THSD4: variants seen among roughly 807,000 people sequenced by gnomAD.
THSD4 encodes thrombospondin type-1 domain-containing protein 4.
In THSD4, 69 loss-of-function variants were observed where a neutral mutation model predicts 119.0. That is an observed-to-expected ratio of 0.58 (90% confidence interval 0.48 to 0.71). The LOEUF (loss-of-function observed/expected upper bound fraction) is 0.71, where lower values mean the gene tolerates loss of function less well. Among genes scored for constraint, THSD4 ranks in the 30% least tolerant of loss-of-function variants. THSD4 has a pLI of 0.00. For missense variants in THSD4, 1,393 were observed against 1,391.1 expected (o/e 1.00, Z -0.02); for synonymous variants, 524 against 540.4 (o/e 0.97, Z 0.42).
intron 4 of THSD4, among the ~76,000 whole-genome samples, chr15:71,221,944 G>T (rs549278759): frequency 1.3e-5 from 2 of 152,074 alleles, no homozygotes; most frequent in Non-Finnish European, 2.9e-5. Context: ...CATCCTAATG[G>T]GTGTGGGGTG....
chr15:71,748,397 T>C, intron 13 of THSD4, 24 bp from the exon 14 acceptor site: 1 of 1,612,870 alleles, frequency 6.2e-7, no homozygotes, highest in Non-Finnish European at 8.5e-7. Context: ...CTGGTTCCCC[T>C]GACGTCAGTG....
chr15:71,163,218 C>T (rs1490056107), intron 3 of THSD4, among the ~76,000 whole-genome samples: 2 of 148,460 alleles, frequency 1.3e-5, no homozygotes, highest in African/African-American at 2.5e-5. Flanking sequence ...TTCTTGTGTC[C>T]CTGTGTTGAT....
At chr15:71,162,147 G>T (rs968363906) in intron 3 of THSD4, among the ~76,000 whole-genome samples, 2 of 151,970 alleles carry the variant, frequency 1.3e-5, no homozygotes, top group African/African-American at 4.8e-5. Context: ...TCATACTAGA[G>T]AATTGAAAGA....
At chr15:71,688,729 G>GTGTGTA (rs2051975906) in intron 8 of THSD4, among the ~76,000 whole-genome samples, 1 of 151,126 alleles carries the variant, frequency 6.6e-6, no homozygotes, top group Admixed American at 6.6e-5. Context: ...GTGTGTGTGT[G>GTGTGTA]TGTGTGTGTG....
At chr15:71,673,919 G>T (rs1397360129) in intron 8 of THSD4, among the ~76,000 whole-genome samples, 1 of 152,130 alleles carries the variant, frequency 6.6e-6, no homozygotes, top group African/African-American at 2.4e-5. Flanking sequence ...ACCACGGCTG[G>T]CCATATACTT....
rs546147395 is a variant in THSD4, at chr15:71,710,460, T to C, written c.1358-18089T>C. Among the ~76,000 whole-genome samples the C allele has an allele frequency of 7.6e-4, 116 of 152,336 alleles. 2 individuals carry two copies. Among genetic ancestry groups the C allele is most frequent in the Non-Finnish European group, 2.4e-4 (16 of 68,026 alleles). ...GGAGGAGGGCCAAGATAAATGACCA[T>C]GGACCTAATCTGTTTATTAGTTGGG... On this transcript the variant is annotated intron_variant, in intron 8 of 17. Coordinates refer to ENST00000261862, the MANE Select transcript of THSD4 (RefSeq NM_024817.3).
Position 71,455,375 on chromosome 15 carries a change from C to T in THSD4, c.1152+43552C>T, listed in dbSNP as rs1042266920. 5.9e-5 allele frequency among the ~76,000 whole-genome samples: 9 copies of T among 152,250 alleles called. No homozygotes were observed. The South Asian group carries it at 1.7e-3, about 28-fold the overall frequency. On this transcript the variant is annotated intron_variant, in intron 7 of 17. Coordinates refer to ENST00000261862, the MANE Select transcript of THSD4 (RefSeq NM_024817.3). ...TGTTTACTGAGAAGCCTATAATTTT[C>T]GCTTTGACTGTATATTGATTTGGAG...
chr15:71,504,833 G>A (rs1230553026), intron 7 of THSD4, among the ~76,000 whole-genome samples: 1 of 152,100 alleles, frequency 6.6e-6, no homozygotes, highest in African/African-American at 2.4e-5. Context: ...TTCTATTCCA[G>A]GAGCTAACCC....
intron 7 of THSD4, among the ~76,000 whole-genome samples, chr15:71,603,374 C>T (rs11854873): frequency 0.3 from 44,930 of 152,120 alleles, 7,385 homozygotes; most frequent in Non-Finnish European, 0.37. Context: ...GGCTCCTTTC[C>T]CTGCACACAG....
intron 7 of THSD4, among the ~76,000 whole-genome samples, chr15:71,497,434 G>T (rs1018443244): frequency 1.3e-5 from 2 of 151,902 alleles, no homozygotes; most frequent in Non-Finnish European, 2.9e-5. Context: ...AATCGCTTGA[G>T]CCTGGAAGGC....
chr15:71,332,573 C>T (rs1441360), intron 6 of THSD4, among the ~76,000 whole-genome samples: 21,337 of 152,082 alleles, frequency 0.14, 1,599 homozygotes, highest in Middle Eastern at 0.19. Flanking sequence ...CCCAAGGTCA[C>T]AAAGTTAGAC....
chr15:71,489,834 T>A (rs1255484549), intron 7 of THSD4, among the ~76,000 whole-genome samples: 3 of 152,126 alleles, frequency 2.0e-5, no homozygotes, highest in African/African-American at 7.2e-5. Flanking sequence ...CATTTTTTTT[T>A]TTCTATTTTG....
chr15:71,215,389 G>A lies in THSD4; in HGVS notation c.454G>A (p.Gly152Arg). The A allele has an allele frequency of 6.5e-7, 1 of 1,529,390 alleles. No individual in the cohort carries two copies. Among genetic ancestry groups the A allele is most frequent in the Non-Finnish European group, 8.7e-7 (1 of 1,143,700 alleles). The allele number at this position is 1,529,390 out of a possible 1,614,324, so 94.7% of individuals were successfully genotyped here. Residue 152 changes from glycine (G) to arginine (R), a missense_variant, in exon 4 of 18, where the codon GGG (glycine) becomes AGG (arginine). Gly to Arg is a moderately radical substitution (Grantham distance 125). Transcript: ENST00000261862. ...ACAGCCCCAGGGCCTCGAAGTCACT[G>A]GGGACAGAAGGTACACGCCCGCCCT... ...HPQPQGLEVTGDRRSRTRGTI... is the reference protein window; with the variant it reads ...HPQPQGLEVTRDRRSRTRGTI...
rs1483173315 is a variant in THSD4, at chr15:71,115,979, C to G, written c.-80+281C>G. Among the ~76,000 whole-genome samples, 1 of 152,224 alleles carries G rather than the reference C, an allele frequency of 6.6e-6. No individual in the cohort carries two copies. The highest frequency in any genetic ancestry group is 6.5e-5 in the Admixed American group (1 of 15,290). On this transcript the variant is annotated intron_variant, in intron 1 of 17. Coordinates refer to ENST00000261862, the MANE Select transcript of THSD4 (RefSeq NM_024817.3). This position sits in a 1 kb window ranked among gnomAD's most constrained non-coding sequence, Gnocchi z 4.4. ...CCGGCGCTCATCCCTCCACCCTCGACTCTAGGGACAGTCTTAAACTCTAGG... is the reference window on the plus strand; with the variant it reads ...CCGGCGCTCATCCCTCCACCCTCGAGTCTAGGGACAGTCTTAAACTCTAGG...
chr15:71,417,137 C>T (rs1596418069), intron 7 of THSD4, among the ~76,000 whole-genome samples: 1 of 107,784 alleles, frequency 9.3e-6, no homozygotes, highest in Non-Finnish European at 2.0e-5. Flanking sequence ...GTTATTAATC[C>T]CTTGTCAGAT....
intron 8 of THSD4, among the ~76,000 whole-genome samples, chr15:71,717,300 T>C (rs2052628544): frequency 6.6e-6 from 1 of 152,240 alleles, no homozygotes; most frequent in African/African-American, 2.4e-5. Flanking sequence ...GAATTCTATA[T>C]GGCAGTTAGA....
Position 71,731,253 on chromosome 15 carries a change from C to A in THSD4, c.1630+36C>A. On this transcript the variant is annotated intron_variant, in intron 10 of 17. Coordinates refer to ENST00000261862, the MANE Select transcript of THSD4 (RefSeq NM_024817.3). ...TTGTCTTGTGGCCGGGGACTCTGGT[C>A]ATTTCCTTGTAAAGCCTTCTCTCTC... 1.9e-6 allele frequency: 3 copies of A among 1,585,874 alleles called. No homozygotes were observed. In the South Asian group the frequency reaches 3.3e-5, roughly 18 times the overall value.
chr15:71,629,576 C>G (rs974177926), intron 7 of THSD4, among the ~76,000 whole-genome samples: 2 of 152,154 alleles, frequency 1.3e-5, no homozygotes, highest in African/African-American at 2.4e-5. Context: ...TTTGTAGTTT[C>G]TTGAGAACTC....
intron 7 of THSD4, among the ~76,000 whole-genome samples, chr15:71,639,843 A>AG (rs1464542730): frequency 6.6e-6 from 1 of 152,000 alleles, no homozygotes; most frequent in African/African-American, 2.4e-5. Flanking sequence ...TAGCAAAAAA[A>AG]AAAAAAAGAA....
Sources: allele counts gnomAD v4.1 joint callset (sites outside exome capture counted in the v4.1 genomes callset), GRCh38; gene constraint gnomAD v4.1.1; non-coding constraint Gnocchi (gnomAD v3.1); transcripts MANE v1.5; gene names NCBI Gene and HGNC (gene_info 2026-07-23, HGNC 2026-07-21).